SEMA6A: variants seen among roughly 807,000 people sequenced by gnomAD.
The protein encoded by SEMA6A is semaphorin-6A.
In SEMA6A, 25 loss-of-function variants were observed where a neutral mutation model predicts 96.8. That is an observed-to-expected ratio of 0.26 (90% CI 0.19 to 0.36). The LOEUF (loss-of-function observed/expected upper bound fraction) is 0.36. Among genes scored for constraint, SEMA6A ranks in the 10% least tolerant of loss-of-function variants. SEMA6A has a pLI of 1.00. For missense variants in SEMA6A, 1,363 were observed against 1,323.1 expected (o/e 1.03, Z -0.47); for synonymous variants, 612 against 518.0 (o/e 1.18, Z -2.46).
intron 12 of SEMA6A, among the ~76,000 whole-genome samples, chr5:116,479,721 A>G (rs1295559208): frequency 6.6e-6 from 1 of 152,194 alleles, no homozygotes; most frequent in Non-Finnish European, 1.5e-5. Flanking sequence ...GCTCTGTGTG[A>G]CAGCAAACAA....
chr5:116,520,088 T>C (rs1210971733), intron 1 of SEMA6A, among the ~76,000 whole-genome samples: 2 of 152,122 alleles, frequency 1.3e-5, no homozygotes, highest in Non-Finnish European at 2.9e-5. Context: ...TCATGTTCCA[T>C]TCCCACTCTG....
At chr5:116,503,229 AAT>A in intron 2 of SEMA6A, among the ~76,000 whole-genome samples, 1 of 152,150 alleles carries the variant, frequency 6.6e-6, no homozygotes, top group Non-Finnish European at 1.5e-5. Flanking sequence ...TGGGGGTGTA[AAT>A]GATGACTAGA....
At chr5:116,481,614 T>C (rs1459902824) in intron 11 of SEMA6A, among the ~76,000 whole-genome samples, 1 of 152,152 alleles carries the variant, frequency 6.6e-6, no homozygotes, top group Non-Finnish European at 1.5e-5. Flanking sequence ...TGGGCTTCCT[T>C]CCAGAGGCAC....
intron 18 of SEMA6A, chr5:116,449,583 A>AAC (rs1754496880): frequency 2.0e-6 from 1 of 502,564 alleles, no homozygotes. Context: ...AAAACCCAGA[A>AAC]ACCTTAGCCT....
At chr5:116,473,203 G>C in intron 16 of SEMA6A, 110 bp from the exon 17 acceptor site, 1 of 1,024,284 alleles carries the variant, frequency 9.8e-7, no homozygotes, top group Non-Finnish European at 1.5e-6. Context: ...TATGGTCCCC[G>C]ATACTAAGTA....
intron 17 of SEMA6A, chr5:116,471,369 G>A (rs1756133867): frequency 6.6e-6 from 1 of 152,136 alleles, no homozygotes; most frequent in Non-Finnish European, 1.5e-5. Context: ...GAAATTACCT[G>A]GGAGTTAAAA....
intron 18 of SEMA6A, among the ~76,000 whole-genome samples, chr5:116,453,593 G>C (rs1411170389): frequency 2.0e-5 from 3 of 152,186 alleles, no homozygotes. Flanking sequence ...GATTAAAAAA[G>C]AGGTTTAGAA....
intron 1 of SEMA6A, among the ~76,000 whole-genome samples, chr5:116,544,749 A>C (rs1760113987): frequency 6.6e-6 from 1 of 152,224 alleles, no homozygotes; most frequent in African/African-American, 2.4e-5. Context: ...ATTTATCTGC[A>C]GCCTCACCCT....
intron 1 of SEMA6A, among the ~76,000 whole-genome samples, chr5:116,565,875 T>A (rs1312859278): frequency 6.6e-6 from 1 of 152,090 alleles, no homozygotes; most frequent in East Asian, 1.9e-4. Flanking sequence ...ACCAGCTCAA[T>A]CAGTATTCTC....
chr5:116,568,862 TACAC>T (rs138283130), intron 1 of SEMA6A, among the ~76,000 whole-genome samples: 12 of 151,668 alleles, frequency 7.9e-5, no homozygotes, highest in Middle Eastern at 3.2e-3. Context: ...ATGCATGAAG[TACAC>T]ACACACACAT....
intron 18 of SEMA6A, among the ~76,000 whole-genome samples, chr5:116,466,311 G>A (rs538501133): frequency 1.6e-4 from 24 of 151,372 alleles, no homozygotes; most frequent in Admixed American, 2.0e-4. Context: ...CTTGGGAGGC[G>A]GAGGTTGCAG....
At chr5:116,519,472 T>C (rs563189041) in intron 1 of SEMA6A, among the ~76,000 whole-genome samples, 7 of 152,274 alleles carry the variant, frequency 4.6e-5, no homozygotes, top group African/African-American at 1.2e-4. Flanking sequence ...TGTTAGTAAT[T>C]TTCCTGTACT....
intron 18 of SEMA6A, among the ~76,000 whole-genome samples, chr5:116,453,309 A>C (rs180931668): frequency 6.6e-6 from 1 of 152,292 alleles, no homozygotes; most frequent in African/African-American, 2.4e-5. Flanking sequence ...TAAATGGGGA[A>C]GCCTTCTCTG....
chr5:116,519,967 A>T (rs1208432227), intron 1 of SEMA6A, among the ~76,000 whole-genome samples: 3 of 152,188 alleles, frequency 2.0e-5, no homozygotes, highest in Admixed American at 2.0e-4. Flanking sequence ...AACATAGATC[A>T]TGTTATGTCC....
At chr5:116,512,316 G>A (rs765358586) in intron 1 of SEMA6A, among the ~76,000 whole-genome samples, 1 of 152,188 alleles carries the variant, frequency 6.6e-6, no homozygotes, top group Admixed American at 6.5e-5. Flanking sequence ...TCGGGCAAAT[G>A]AGAAAAATAG....
intron 1 of SEMA6A, among the ~76,000 whole-genome samples, chr5:116,573,908 CGCGGCCCGGG>C (rs1376617394): frequency 6.6e-6 from 1 of 152,022 alleles, no homozygotes; most frequent in Non-Finnish European, 1.5e-5. Context: ...TACGCGCCGT[CGCGGCCCGGG>C]GCGGCGCCGG....
intron 1 of SEMA6A, among the ~76,000 whole-genome samples, chr5:116,568,538 T>G (rs1249934151): frequency 6.6e-6 from 1 of 152,128 alleles, no homozygotes; most frequent in Non-Finnish European, 1.5e-5. Flanking sequence ...CTATGGCCAG[T>G]GGTTAGAATG....
intron 1 of SEMA6A, among the ~76,000 whole-genome samples, chr5:116,566,573 C>G (rs1269811139): frequency 2.6e-5 from 4 of 152,192 alleles, no homozygotes; most frequent in Non-Finnish European, 5.9e-5. Context: ...TTGAAAATAA[C>G]TGTAACTCTA....
At chr5:116,484,633 A>AAAT (rs142780194) in intron 10 of SEMA6A, among the ~76,000 whole-genome samples, 4 of 151,356 alleles carry the variant, frequency 2.6e-5, no homozygotes, top group Admixed American at 6.6e-5. Flanking sequence ...AGGAAAAAAA[A>AAAT]AATAATAATA....
Sources: allele counts gnomAD v4.1 joint callset (sites outside exome capture counted in the v4.1 genomes callset), GRCh38; gene constraint gnomAD v4.1.1; transcripts MANE v1.5; gene names NCBI Gene and HGNC (gene_info 2026-07-23, HGNC 2026-07-21).